Variants in CROT observed in about 807,000 individuals in gnomAD.
The protein encoded by CROT is peroxisomal carnitine O-octanoyltransferase.
Under a neutral mutation model 89.2 loss-of-function variants are expected in CROT, and 84 were observed. The ratio of observed to expected loss-of-function variants is 0.94; its 90% CI spans 0.79 to 1.13. CROT has a LOEUF of 1.13. Among genes scored for constraint, CROT ranks in the 50% most tolerant of loss-of-function variants. CROT has a pLI of 0.00. For synonymous variants in CROT, 212 were observed against 239.5 expected, an observed-to-expected ratio of 0.89 and a Z score of 1.06; for missense variants, 711 against 727.8, an observed-to-expected ratio of 0.98 and a Z score of 0.27.
intron 17 of CROT, among the ~76,000 whole-genome samples, chr7:87,397,462 G>A (rs1481982871): frequency 3.3e-5 from 5 of 152,074 alleles, no homozygotes. Context: ...TTTCTTTCAT[G>A]AATTGTCTGT....
At chr7:87,365,326 TA>T (rs1375557699) in intron 6 of CROT, among the ~76,000 whole-genome samples, 1 of 151,986 alleles carries the variant, frequency 6.6e-6, no homozygotes, top group Non-Finnish European at 1.5e-5. Flanking sequence ...CCATCTCTAC[TA>T]AAAATACAAA....
chr7:87,374,996 A>G (rs1321451366), intron 7 of CROT, among the ~76,000 whole-genome samples: 4 of 152,074 alleles, frequency 2.6e-5, no homozygotes, highest in Admixed American at 2.6e-4. Flanking sequence ...CCAGTTATTT[A>G]TCTGCTGTAT....
At chr7:87,354,480 G>T (rs999413597) in intron 3 of CROT, 11 of 479,886 alleles carry the variant, frequency 2.3e-5, no homozygotes, top group South Asian at 4.6e-5. Context: ...TTAGTTTTTT[G>T]ATTACATTGA....
chr7:87,378,443 T>C (rs1013868519), intron 10 of CROT, among the ~76,000 whole-genome samples: 1 of 152,040 alleles, frequency 6.6e-6, no homozygotes, highest in Non-Finnish European at 1.5e-5. Flanking sequence ...TAAGAAGATA[T>C]TTGTTGGCAA....
intron 17 of CROT, among the ~76,000 whole-genome samples, chr7:87,396,462 T>G (rs1328804797): frequency 6.6e-6 from 1 of 152,162 alleles, no homozygotes. Context: ...ATGGCTTTTA[T>G]GACATGCACT....
At chr7:87,388,716 G>A (rs1807261200) in intron 13 of CROT, among the ~76,000 whole-genome samples, 2 of 152,154 alleles carry the variant, frequency 1.3e-5, no homozygotes, top group South Asian at 4.1e-4. Context: ...ATAGGCATGG[G>A]CAAAGACTTC....
chr7:87,361,434 A>G lies in CROT; in HGVS notation c.285A>G (p.Ile95Met). The G allele has an allele frequency of 6.2e-7, 1 of 1,614,052 alleles. No individual in the cohort carries two copies. The highest frequency in any genetic ancestry group is 8.5e-7 in the Non-Finnish European group (1 of 1,179,988). The change falls in exon 5 of 18, where the codon ATA (isoleucine) becomes ATG (methionine). Residue 95 changes from isoleucine (I) to methionine (M), a missense_variant. Coordinates refer to ENST00000331536, the MANE Select transcript of CROT (RefSeq NM_021151.4). Reference sequence around the variant, plus strand: ...ATGTTGCCTATCTGGATGTTCGTATACCATCACAATTGAATGTCAACTTTG... The same window carrying G: ...ATGTTGCCTATCTGGATGTTCGTATGCCATCACAATTGAATGTCAACTTTG... ...WLNVAYLDVR[I>M]PSQLNVNFAG...
Position 87,398,542 on chromosome 7 carries a change from A to G in CROT, c.1737A>G (p.Ser579=), listed in dbSNP as rs1159744231. ...TTCACAGGTTTGTTGTGGCCTGTTC[A>G]GCCTGGAAATCCTGTCCCGAGACTG... The part of the protein sequence containing the change: ...IRDDRFVVAC[S]AWKSCPETDA... The change falls in exon 18 of 18, where the codon TCA becomes TCG. Residue 579 remains serine (S), a synonymous_variant. Transcript: ENST00000331536. 1 of 1,613,786 alleles carries G rather than the reference A, an allele frequency of 6.2e-7. No homozygotes were observed. Among genetic ancestry groups the G allele is most frequent in the Admixed American group, 1.7e-5 (1 of 60,008 alleles).
At chr7:87,373,228 T>C (rs1806696260) in intron 7 of CROT, among the ~76,000 whole-genome samples, 1 of 152,204 alleles carries the variant, frequency 6.6e-6, no homozygotes, top group Non-Finnish European at 1.5e-5. Context: ...TGGCCATTTG[T>C]ATATATCTTC....
intron 14 of CROT, 102 bp downstream of exon 14, chr7:87,391,814 C>T: frequency 8.7e-7 from 1 of 1,149,540 alleles, no homozygotes; most frequent in South Asian, 1.5e-5. Context: ...TTTCCTGGAT[C>T]ATTAAAATAC....
intron 3 of CROT, among the ~76,000 whole-genome samples, chr7:87,349,463 C>G (rs926428350): frequency 2.0e-5 from 3 of 152,092 alleles, no homozygotes; most frequent in African/African-American, 4.8e-5. Flanking sequence ...TAAGCTGTGC[C>G]TATGTGAGGG....
At chr7:87,350,975 A>G (rs1805847576) in intron 3 of CROT, among the ~76,000 whole-genome samples, 1 of 152,062 alleles carries the variant, frequency 6.6e-6, no homozygotes, top group African/African-American at 2.4e-5. Flanking sequence ...TCAGTAGAGG[A>G]AGGGAAGGAT....
rs1296039586 is a variant in CROT at position 87,349,091 on chromosome 7, C to T, written c.23C>T (p.Ser8Leu). Reference sequence around the variant, plus strand: ...ATCATGGAAAATCAATTGGCTAAATCAACTGAAGAACGAACATTTCAGTAC... The same window carrying T: ...ATCATGGAAAATCAATTGGCTAAATTAACTGAAGAACGAACATTTCAGTAC... MENQLAK[S>L]TEERTFQYQD... is the part of the protein sequence containing the mutation. Residue 8 changes from serine (S) to leucine (L), a missense_variant, in exon 3 of 18, where the codon TCA becomes TTA. Ser to Leu is a moderately radical substitution (Grantham distance 145, BLOSUM62 -2). Coordinates refer to ENST00000331536, the MANE Select transcript of CROT (RefSeq NM_021151.4). The T allele has an allele frequency of 6.2e-7, 1 of 1,602,556 alleles. No individual in the cohort carries two copies. Among genetic ancestry groups the T allele is most frequent in the Admixed American group, 1.7e-5 (1 of 59,146 alleles).
chr7:87,391,018 A>G (rs981554280), intron 13 of CROT, among the ~76,000 whole-genome samples: 8 of 152,172 alleles, frequency 5.3e-5, no homozygotes, highest in Non-Finnish European at 1.0e-4. Flanking sequence ...GGCTGTTTTC[A>G]TCTGCTCTCC....
intron 6 of CROT, among the ~76,000 whole-genome samples, chr7:87,362,232 C>CAT (rs1806301338): frequency 6.6e-6 from 1 of 151,392 alleles, no homozygotes; most frequent in Non-Finnish European, 1.5e-5. Flanking sequence ...ATGTGCTTAT[C>CAT]ATGCCACAGT....
chr7:87,386,956 G>A (rs1343618954), intron 13 of CROT, among the ~76,000 whole-genome samples: 1 of 152,126 alleles, frequency 6.6e-6, no homozygotes, highest in African/African-American at 2.4e-5. Context: ...GGAGATAAGG[G>A]TGTCTGTCTG....
At position 87,392,579 on chromosome 7, in the gene CROT, A is replaced by G; in HGVS notation, c.1439A>G (p.Gln480Arg). 1 of 1,613,346 alleles carries G rather than the reference A, an allele frequency of 6.2e-7. No individual in the cohort carries two copies. Among genetic ancestry groups the G allele is most frequent in the Non-Finnish European group, 8.5e-7 (1 of 1,179,464 alleles). ...TTTTTAATACAGCTTCGTGAGCGGCAGCAAAAGATGTTACAAGCTTTTGCA... is the reference window on the plus strand; with the variant it reads ...TTTTTAATACAGCTTCGTGAGCGGCGGCAAAAGATGTTACAAGCTTTTGCA... ...QDPSVNLRER[Q>R]QKMLQAFAKH... Residue 480 changes from glutamine to arginine, a missense_variant, in exon 15 of 18, where the codon CAG becomes CGG. Transcript: ENST00000331536.
rs775009575 is a variant in CROT, at chr7:87,392,757, T to C, written c.1532T>C (p.Leu511Ser). 6.2e-7 allele frequency: 1 copy of C among 1,613,778 alleles called. No individual in the cohort carries two copies. Among genetic ancestry groups the C allele is most frequent in the South Asian group, 1.1e-5 (1 of 91,058 alleles). Residue 511 changes from leucine (L) to serine (S), a missense_variant, in exon 16 of 18, where the codon TTA becomes TCA. Physicochemically the swap from Leu to Ser is moderately radical, Grantham distance 145. Coordinates refer to ENST00000331536, the MANE Select transcript of CROT (RefSeq NM_021151.4). ...KGFDRHLLGL[L>S]LIAKEEGLPV... ...TTTGATCGTCACCTTTTAGGTCTCT[T>C]ACTCATAGCAAAAGAGGAAGGTCTT...
At chr7:87,356,839 T>C (rs1205616225) in intron 3 of CROT, among the ~76,000 whole-genome samples, 3 of 152,150 alleles carry the variant, frequency 2.0e-5, no homozygotes, top group African/African-American at 7.2e-5. Context: ...TTGGCCAAGA[T>C]GGTGAAACCT....
Sources: allele counts gnomAD v4.1 joint callset (sites outside exome capture counted in the v4.1 genomes callset), GRCh38; gene constraint gnomAD v4.1.1; transcripts MANE v1.5; gene names NCBI Gene and HGNC (gene_info 2026-07-23, HGNC 2026-07-21).